ATP11C: variants seen among roughly 807,000 people sequenced by gnomAD.
The protein encoded by ATP11C is phospholipid-transporting ATPase IG.
A neutral mutation model predicts 97.4 loss-of-function variants in ATP11C; 36 were observed. The ratio of observed to expected loss-of-function variants is 0.37; its 90% CI spans 0.28 to 0.49. The LOEUF is 0.49. Ranked by LOEUF, ATP11C falls within the 20% of genes least tolerant of loss-of-function variation. ATP11C has a pLI of 0.98. For missense variants in ATP11C, 730 were observed against 824.6 expected, an observed-to-expected ratio of 0.89 and a Z score of 1.40; for synonymous variants, 275 against 290.9, an observed-to-expected ratio of 0.95 and a Z score of 0.56.
intron 1 of ATP11C, among the ~76,000 whole-genome samples, chrX:139,884,187 C>T (rs983106271): frequency 9.8e-5 from 11 of 111,686 alleles, no homozygotes; most frequent in African/African-American, 3.6e-4. Context: ...AAGTCCAAGG[C>T]ACTGATAGTC....
intron 12 of ATP11C, among the ~76,000 whole-genome samples, chrX:139,794,881 G>A (rs752099668): frequency 3.6e-5 from 4 of 111,955 alleles, no homozygotes; most frequent in African/African-American, 1.3e-4. Flanking sequence ...TCAACCTTGA[G>A]TAGGTTAACA....
At chrX:139,886,871 G>GA (rs955942043) in intron 1 of ATP11C, among the ~76,000 whole-genome samples, 10 of 108,215 alleles carry the variant, frequency 9.2e-5, no homozygotes, top group African/African-American at 2.7e-4. Context: ...AAATTATATG[G>GA]AAAAAATAAT....
chrX:139,826,219 C>T (rs1051821190), intron 2 of ATP11C, among the ~76,000 whole-genome samples: 1 of 110,511 alleles, frequency 9.0e-6, no homozygotes, highest in African/African-American at 3.3e-5. Context: ...CCCTTTGGGA[C>T]GTAGGAGTCT....
In ATP11C at chrX:139,783,144, G is replaced by C. The variant is rs1314913851; in HGVS notation, c.1770+20C>G. 9.4e-7 allele frequency: 1 copy of C among 1,061,333 alleles called. No homozygotes were observed. The highest frequency in any genetic ancestry group is 1.3e-6 in the Non-Finnish European group (1 of 770,495). The allele number at this position is 1,061,333 out of a possible 1,213,427, so 87.5% of individuals were successfully genotyped here. A position where few individuals can be genotyped will look rare whatever the true frequency, so the allele number is the denominator to read the frequency against. The stretch of plus-strand genomic sequence containing the variant: ...CATTTCTCTGCTTACTTATTGGTGG[G>C]GGAAGGAGTATAGGCTCACCATTGC... On this transcript the variant is annotated intron_variant, in intron 17 of 29. Coordinates refer to ENST00000682941, the MANE Select transcript of ATP11C (RefSeq NM_001353812.2).
intron 8 of ATP11C, among the ~76,000 whole-genome samples, chrX:139,799,644 CTTTTTTTT>C (rs754371113): frequency 2.5e-4 from 15 of 60,364 alleles, no homozygotes; most frequent in East Asian, 2.4e-3. Flanking sequence ...CTTTATATTC[CTTTTTTTT>C]TTTTTTTTTT....
intron 1 of ATP11C, among the ~76,000 whole-genome samples, chrX:139,929,774 T>G (rs1002945598): frequency 1.8e-5 from 2 of 111,997 alleles, no homozygotes; most frequent in Non-Finnish European, 3.8e-5. Flanking sequence ...CACTCAAATC[T>G]TTAATTCTAG....
chrX:139,788,616 T>G (rs1391456823), intron 13 of ATP11C, among the ~76,000 whole-genome samples: 1 of 112,023 alleles, frequency 8.9e-6, no homozygotes. Flanking sequence ...GACTTCTTCA[T>G]GGCCTAAAAA....
chrX:139,863,143 T>C (rs12115970), intron 1 of ATP11C, among the ~76,000 whole-genome samples: 121 of 112,503 alleles, frequency 1.1e-3, no homozygotes, highest in African/African-American at 3.6e-3. Flanking sequence ...AATTCTATGT[T>C]ACCTGAGGAC....
chrX:139,857,642 C>T (rs747422401), intron 1 of ATP11C, among the ~76,000 whole-genome samples: 20 of 111,450 alleles, frequency 1.8e-4, no homozygotes, highest in Non-Finnish European at 2.4e-4. Context: ...AGGGGAACAA[C>T]GCAGCAGCAG....
intron 27 of ATP11C, among the ~76,000 whole-genome samples, chrX:139,740,600 A>C (rs1311196641): frequency 2.7e-5 from 3 of 112,054 alleles, no homozygotes; most frequent in Non-Finnish European, 5.6e-5. Flanking sequence ...TCAAGAGAAA[A>C]TAAGGGTCCA....
chrX:139,786,094 G>C (rs764934947), intron 15 of ATP11C, among the ~76,000 whole-genome samples: 1 of 111,374 alleles, frequency 9.0e-6, no homozygotes, highest in Non-Finnish European at 1.9e-5. Context: ...TATTGTAAGA[G>C]CAAAAGAAAG....
chrX:139,847,397 A>G (rs77993795), intron 1 of ATP11C, among the ~76,000 whole-genome samples: 1 of 105,089 alleles, frequency 9.5e-6, no homozygotes, highest in Non-Finnish European at 1.9e-5. Context: ...ACAAACAAAC[A>G]AACTAGCTAT....
intron 1 of ATP11C, among the ~76,000 whole-genome samples, chrX:139,853,902 C>G (rs1174627990): frequency 1.0e-5 from 1 of 97,564 alleles, no homozygotes; most frequent in Non-Finnish European, 2.0e-5. Flanking sequence ...TGGGGCTATT[C>G]TGTTAGAAAA....
Position 139,824,322 on chromosome X carries a change from T to C in ATP11C, c.147+2382A>G, listed in dbSNP as rs373754135. Reference sequence around the variant, plus strand: ...TACAAAATTCTGGTGATTTCCAAAATCCCTGCAGAGTACATTAAAGTTTGT... The same window carrying C: ...TACAAAATTCTGGTGATTTCCAAAACCCCTGCAGAGTACATTAAAGTTTGT... On this transcript the variant is annotated intron_variant, in intron 2 of 29. Transcript: ENST00000682941. Among the ~76,000 whole-genome samples, 40 of 110,382 alleles carry C rather than the reference T, an allele frequency of 3.6e-4. No homozygotes were observed. In the East Asian group the frequency reaches 8.8e-3, roughly 24 times the overall value.
In ATP11C at chrX:139,896,862, A is replaced by G. The variant is rs755999284; in HGVS notation, c.27+35154T>C. Among the ~76,000 whole-genome samples, 6 of 110,195 alleles carry G rather than the reference A, an allele frequency of 5.4e-5. No homozygotes were observed. In the South Asian group the frequency reaches 2.3e-3, roughly 43 times the overall value. On this transcript the variant is annotated intron_variant, in intron 1 of 29. Coordinates refer to ENST00000682941, the MANE Select transcript of ATP11C (RefSeq NM_001353812.2). ...GACCTCAAGGCCCAGTCAGCCTCCC[A>G]ATAATAATAATATATTAATATTGGC... is the stretch of plus-strand genomic sequence containing the variant.
At chrX:139,889,558 T>C (rs890607149) in intron 1 of ATP11C, among the ~76,000 whole-genome samples, 10 of 112,037 alleles carry the variant, frequency 8.9e-5, no homozygotes, top group African/African-American at 3.2e-4. Flanking sequence ...AGGGCAAATT[T>C]TACTGTATGT....
chrX:139,765,411 T>C (rs1159210463), intron 20 of ATP11C, among the ~76,000 whole-genome samples: 2 of 111,607 alleles, frequency 1.8e-5, no homozygotes, highest in Admixed American at 9.5e-5. Flanking sequence ...AGATTAACAA[T>C]ACAAGGTAAC....
intron 1 of ATP11C, among the ~76,000 whole-genome samples, chrX:139,830,524 C>T (rs1264039919): frequency 9.0e-6 from 1 of 111,712 alleles, no homozygotes; most frequent in Non-Finnish European, 1.9e-5. Context: ...TTATTCAGAT[C>T]ACTGATAATG....
At chrX:139,931,982 C>G (rs745386244) in intron 1 of ATP11C, 34 bp downstream of exon 1, 17 of 1,150,692 alleles carry the variant, frequency 1.5e-5, no homozygotes, top group East Asian at 6.6e-5. Flanking sequence ...AGCAAGCAAA[C>G]CGGCACGCGC....
Sources: gnomAD v4.1 joint callset for allele counts (sites outside exome capture counted in the v4.1 genomes callset) on GRCh38, gnomAD v4.1.1 for gene constraint, MANE v1.5 for transcripts, NCBI Gene and HGNC (gene_info 2026-07-23, HGNC 2026-07-21) for gene names.